HBS1L: variants seen among roughly 807,000 people sequenced by gnomAD.
HBS1L encodes the protein HBS1-like protein.
HBS1L carries 55 observed loss-of-function variants against 88.9 expected under a neutral mutation model. The ratio of observed to expected loss-of-function variants is 0.62; its 90% CI spans 0.50 to 0.77. The LOEUF (loss-of-function observed/expected upper bound fraction) is 0.77. Among genes scored for constraint, HBS1L ranks in the 30% least tolerant of loss-of-function variants. The pLI is 0.00. For synonymous variants in HBS1L, 267 were observed against 288.5 expected (o/e 0.93, Z 0.76); for missense variants, 741 against 829.3 (o/e 0.89, Z 1.31).
In HBS1L at chr6:135,042,088, C is replaced by T. The variant is rs573654532; in HGVS notation, c.148G>A (p.Val50Ile). The T allele has an allele frequency of 5.0e-5, 80 of 1,612,918 alleles. No homozygotes were observed. The highest frequency in any genetic ancestry group is 1.3e-4 in the African/African-American group (10 of 74,966). Residue 50 changes from valine (V) to isoleucine (I), a missense_variant, in exon 3 of 18, where the codon GTT becomes ATT. This residue lies in a region of HBS1L where 556 missense variants were observed against 598.4 expected (regional missense o/e 0.93). Coordinates refer to ENST00000367837, the MANE Select transcript of HBS1L (RefSeq NM_006620.4). The part of the protein sequence containing the change: ...FIYSRRDKPS[V>I]EPVEEYDYED... ...TAATCATATTCTTCCACAGGCTCAA[C>T]GGAAGGTTTGTCACGCCGTGAATAA...
intron 2 of HBS1L, among the ~76,000 whole-genome samples, chr6:135,049,948 T>TA (rs1777028434): frequency 6.6e-6 from 1 of 152,220 alleles, no homozygotes; most frequent in Admixed American, 6.5e-5. Flanking sequence ...AATGTAGTGT[T>TA]AGAGAAATAA....
At chr6:135,025,943 T>C (rs1475125094) in intron 4 of HBS1L, among the ~76,000 whole-genome samples, 1 of 152,126 alleles carries the variant, frequency 6.6e-6, no homozygotes, top group Non-Finnish European at 1.5e-5. Context: ...TGGGAAACTC[T>C]GTAGAAATAA....
rs1776747504 is a variant in HBS1L at position 135,041,869 on chromosome 6, C to A, written c.235+132G>T. 3 of 720,132 alleles carry A rather than the reference C, an allele frequency of 4.2e-6. No individual in the cohort carries two copies. The East Asian group carries it at 8.1e-5, about 20-fold the overall frequency. 44.6% of individuals were successfully genotyped at this position (720,132 alleles called of 1,614,324 possible). ...CATACTTAATAAAACATAAACTGTC[C>A]TTGAATATGAAAGATATGTTTACAT... is the stretch of plus-strand genomic sequence containing the variant. On this transcript the variant is annotated intron_variant, in intron 3 of 17. Transcript: ENST00000367837.
intron 5 of HBS1L, among the ~76,000 whole-genome samples, chr6:135,001,925 A>T (rs1365862545): frequency 6.6e-6 from 1 of 151,778 alleles, no homozygotes; most frequent in Non-Finnish European, 1.5e-5. Flanking sequence ...TTTTTAAAAA[A>T]ATATAACTTG....
chr6:135,049,059 C>A (rs540004941), intron 2 of HBS1L, among the ~76,000 whole-genome samples: 1 of 152,238 alleles, frequency 6.6e-6, no homozygotes, highest in South Asian at 2.1e-4. Context: ...GACAGCCCAG[C>A]GGACTAGAGG....
At chr6:135,053,248 CCATAGCGTTTTCT>C (rs1777143760) in intron 1 of HBS1L, among the ~76,000 whole-genome samples, 1 of 152,154 alleles carries the variant, frequency 6.6e-6, no homozygotes, top group Admixed American at 6.5e-5. Context: ...TGTATCCCTC[CCATAGCGTTTTCT>C]CAGTACCTTT....
chr6:134,969,118 T>C (rs1774407485), intron 16 of HBS1L, 120 bp downstream of exon 16: 6 of 666,680 alleles, frequency 9.0e-6, no homozygotes, highest in Non-Finnish European at 1.6e-5. Flanking sequence ...GAAAAAATAA[T>C]TTCTGGAACA....
intron 4 of HBS1L, among the ~76,000 whole-genome samples, chr6:135,034,335 T>C (rs1251288180): frequency 6.6e-6 from 1 of 152,168 alleles, no homozygotes; most frequent in Non-Finnish European, 1.5e-5. Context: ...AAGACCAGCC[T>C]TTTCATTTTC....
intron 4 of HBS1L, 22 bp from the exon 5 acceptor site, chr6:135,002,864 A>T (rs762055185): frequency 7.0e-7 from 1 of 1,426,186 alleles, no homozygotes. Context: ...GTAAAATATA[A>T]AAGGCCAATT....
At chr6:134,990,359 C>A (rs116395487) in intron 8 of HBS1L, among the ~76,000 whole-genome samples, 1,619 of 152,214 alleles carry the variant, frequency 0.011, 26 homozygotes, top group African/African-American at 0.037. Context: ...TTAGTCTTTC[C>A]ACTTCACATC....
chr6:134,982,572 A>G lies in HBS1L; in HGVS notation c.1493-10T>C. ...AATCCAGATCCTTGATCTGCAAAAC[A>G]TACCAAAATCTTATGGTTCATACAG... On this transcript the variant is annotated splice_polypyrimidine_tract_variant and intron_variant, in intron 12 of 17. Coordinates refer to ENST00000367837, the MANE Select transcript of HBS1L (RefSeq NM_006620.4). 1 of 1,510,944 alleles carries G rather than the reference A, an allele frequency of 6.6e-7. No homozygotes were observed. Among genetic ancestry groups the G allele is most frequent in the Non-Finnish European group, 9.2e-7 (1 of 1,087,810 alleles). The allele number at this position is 1,510,944 out of a possible 1,614,324, so 93.6% of individuals were successfully genotyped here. A position where few individuals can be genotyped will look rare whatever the true frequency, so the allele number is the denominator to read the frequency against.
At chr6:135,034,709 T>C (rs760391062) in intron 4 of HBS1L, among the ~76,000 whole-genome samples, 18 of 152,240 alleles carry the variant, frequency 1.2e-4, no homozygotes, top group Admixed American at 2.6e-4. Context: ...ATACTAATAA[T>C]ATCTCCATCA....
intron 1 of HBS1L, among the ~76,000 whole-genome samples, chr6:135,053,181 C>A: frequency 6.6e-6 from 1 of 152,314 alleles, no homozygotes; most frequent in Middle Eastern, 3.4e-3. Context: ...CATTCCTTAA[C>A]GTAGAAATCC....
chr6:135,032,941 GAA>G (rs1476023310), intron 4 of HBS1L, among the ~76,000 whole-genome samples: 1 of 152,104 alleles, frequency 6.6e-6, no homozygotes, highest in African/African-American at 2.4e-5. Flanking sequence ...TAGGAAAAAG[GAA>G]AAGTTTTAAA....
chr6:134,971,560 A>G (rs966213111), intron 15 of HBS1L, among the ~76,000 whole-genome samples: 1 of 152,202 alleles, frequency 6.6e-6, no homozygotes, highest in African/African-American at 2.4e-5. Flanking sequence ...GCATGAAGTT[A>G]GGTCTTATAT....
chr6:135,019,805 C>T (rs927197415), intron 4 of HBS1L, among the ~76,000 whole-genome samples: 4 of 151,774 alleles, frequency 2.6e-5, no homozygotes, highest in African/African-American at 9.7e-5. Flanking sequence ...CTTAAGAAGA[C>T]TTAGTAATGG....
chr6:135,045,012 T>C (rs1776865273), intron 2 of HBS1L, among the ~76,000 whole-genome samples: 1 of 151,870 alleles, frequency 6.6e-6, no homozygotes, highest in African/African-American at 2.4e-5. Context: ...CAAAAACCCA[T>C]ACTGTGGCCA....
At position 134,997,648 on chromosome 6, in the gene HBS1L, G is replaced by T. The variant is rs1583091195; in HGVS notation, c.548C>A (p.Ser183Tyr). 6.2e-7 allele frequency: 1 copy of T among 1,613,834 alleles called. No homozygotes were observed. The highest frequency in any genetic ancestry group is 8.5e-7 in the Non-Finnish European group (1 of 1,179,832). Reference protein sequence around the residue: ...TMGFEVPGVSSEENGHSFHTP... With the variant: ...TMGFEVPGVSYEENGHSFHTP... ...GTGGAAACTATGACCATTTTCTTCAGAAGATACTCTACAGAAGGCAGATAG... is the reference window on the plus strand; with the variant it reads ...GTGGAAACTATGACCATTTTCTTCATAAGATACTCTACAGAAGGCAGATAG... Residue 183 changes from serine (S) to tyrosine (Y), a missense_variant, in exon 6 of 18, where the codon TCT (serine) becomes TAT (tyrosine). This residue lies in a region of HBS1L where 556 missense variants were observed against 598.4 expected (regional missense o/e 0.93). Coordinates refer to ENST00000367837, the MANE Select transcript of HBS1L (RefSeq NM_006620.4).
intron 12 of HBS1L, chr6:134,983,448 T>G (rs1774890659): frequency 6.6e-6 from 1 of 151,314 alleles, no homozygotes; most frequent in Admixed American, 6.6e-5. Context: ...GTAAGGAAAG[T>G]GAAGACTAAT....
Sources: gnomAD v4.1 joint callset for allele counts (sites outside exome capture counted in the v4.1 genomes callset) on GRCh38, gnomAD v4.1.1 for gene constraint, gnomAD v4.1.1 regional missense constraint, MANE v1.5 for transcripts, NCBI Gene and HGNC (gene_info 2026-07-23, HGNC 2026-07-21) for gene names.